The following RAD51B variants were observed in gnomAD, a reference collection of about 807,000 sequenced individuals.
RAD51B encodes RAD51 paralog B.
In RAD51B, 38 loss-of-function variants were observed where a neutral mutation model predicts 42.2. That is an observed-to-expected ratio of 0.90 (90% CI 0.70 to 1.18). RAD51B has a LOEUF of 1.18. Among genes scored for constraint, RAD51B ranks in the 50% most tolerant of loss-of-function variants. The pLI, the probability that RAD51B is intolerant of heterozygous loss-of-function variation, is 0.00. For synonymous variants in RAD51B, 154 were observed against 145.2 expected, an observed-to-expected ratio of 1.06 and a Z score of -0.43; for missense variants, 373 against 400.7, an observed-to-expected ratio of 0.93 and a Z score of 0.59.
chr14:68,190,545 A>G (rs967424829), intron 7 of RAD51B, among the ~76,000 whole-genome samples: 5 of 152,178 alleles, frequency 3.3e-5, no homozygotes, highest in African/African-American at 7.2e-5. Context: ...TAATTTTAGT[A>G]TACAGTTGCC....
intron 11 of RAD51B, among the ~76,000 whole-genome samples, chr14:68,657,401 G>A (rs776461246): frequency 6.6e-6 from 1 of 152,134 alleles, no homozygotes; most frequent in African/African-American, 2.4e-5. Flanking sequence ...GACTGGTCTC[G>A]ACCTCCAGGC....
At chr14:68,041,421 A>T (rs1221430987) in intron 7 of RAD51B, among the ~76,000 whole-genome samples, 1 of 152,204 alleles carries the variant, frequency 6.6e-6, no homozygotes, top group Non-Finnish European at 1.5e-5. Context: ...TTTTTGAGCC[A>T]TGTGATATTG....
chr14:68,668,103 C>A (rs1269833885), intron 11 of RAD51B, among the ~76,000 whole-genome samples: 1 of 152,206 alleles, frequency 6.6e-6, no homozygotes, highest in Non-Finnish European at 1.5e-5. Flanking sequence ...TGGGAAATAT[C>A]TGCTTCAATG....
intron 10 of RAD51B, among the ~76,000 whole-genome samples, chr14:68,583,333 G>A (rs556281538): frequency 2.4e-4 from 36 of 152,192 alleles, no homozygotes; most frequent in Non-Finnish European, 4.1e-4. Flanking sequence ...TGATGTAAGT[G>A]GGAGGAGAAG....
intron 11 of RAD51B, among the ~76,000 whole-genome samples, chr14:68,673,876 GCA>G (rs143867476): frequency 1.5e-5 from 2 of 137,866 alleles, no homozygotes; most frequent in East Asian, 4.7e-4. Flanking sequence ...CACATACTGT[GCA>G]CACACATGTA....
chr14:68,425,909 A>C (rs1419767372), intron 9 of RAD51B, among the ~76,000 whole-genome samples: 1 of 150,836 alleles, frequency 6.6e-6, no homozygotes, highest in Admixed American at 6.6e-5. Flanking sequence ...GAATGTTAGT[A>C]GAAATAGAGA....
At position 68,246,867 on chromosome 14, in the gene RAD51B, C is replaced by T. The variant is rs374484954; in HGVS notation, c.757-45017C>T. ...AGGTAGGTGGCTGGGTACGCACTTT[C>T]TTGTAGCCTGTTTGTTTTAGCCCGC... On this transcript the variant is annotated intron_variant, in intron 7 of 10. Transcript: ENST00000471583. Among the ~76,000 whole-genome samples the T allele has an allele frequency of 3.3e-5, 5 of 152,286 alleles. No homozygotes were observed. The East Asian group carries it at 9.6e-4, about 29-fold the overall frequency.
At chr14:67,923,374 A>G (rs2044396525) in intron 7 of RAD51B, among the ~76,000 whole-genome samples, 1 of 139,024 alleles carries the variant, frequency 7.2e-6, no homozygotes, top group Non-Finnish European at 1.5e-5. Flanking sequence ...ATCTCGGCTT[A>G]CCACAACCTC....
intron 7 of RAD51B, among the ~76,000 whole-genome samples, chr14:68,105,647 C>T (rs1038688318): frequency 6.6e-6 from 1 of 151,908 alleles, no homozygotes; most frequent in African/African-American, 2.4e-5. Flanking sequence ...ATTGTAAAAT[C>T]TATACCCAGG....
intron 7 of RAD51B, among the ~76,000 whole-genome samples, chr14:68,029,521 A>G (rs1276296218): frequency 6.6e-6 from 1 of 152,168 alleles, no homozygotes; most frequent in Non-Finnish European, 1.5e-5. Flanking sequence ...TCTTTTGTTC[A>G]AGTTTTATGG....
chr14:67,945,581 G>A (rs959293697), intron 7 of RAD51B, among the ~76,000 whole-genome samples: 3 of 151,944 alleles, frequency 2.0e-5, no homozygotes, highest in Non-Finnish European at 4.4e-5. Flanking sequence ...AGCGATTCTC[G>A]TGCCTCAGCC....
chr14:68,281,977 CT>C (rs767661358), intron 7 of RAD51B, among the ~76,000 whole-genome samples: 252 of 140,754 alleles, frequency 1.8e-3, no homozygotes, highest in South Asian at 4.1e-3. Context: ...CCAGGACATC[CT>C]TTTTTTTTTT....
At chr14:68,569,290 C>G (rs947402052) in intron 10 of RAD51B, among the ~76,000 whole-genome samples, 1 of 152,322 alleles carries the variant, frequency 6.6e-6, no homozygotes, top group Non-Finnish European at 1.5e-5. Context: ...GATCAATTGG[C>G]AACTTAAGGA....
intron 7 of RAD51B, among the ~76,000 whole-genome samples, chr14:67,983,928 T>G (rs555014337): frequency 6.9e-6 from 1 of 144,204 alleles, no homozygotes; most frequent in Non-Finnish European, 1.5e-5. Flanking sequence ...ACAGGGCTGG[T>G]TTTTTTTTTT....
chr14:68,673,862 T>G (rs1164347970), intron 11 of RAD51B, among the ~76,000 whole-genome samples: 2 of 120,456 alleles, frequency 1.7e-5, no homozygotes, highest in Admixed American at 8.4e-5. Context: ...CACTCATACA[T>G]GTACACATAC....
At chr14:68,155,908 T>C (rs2078493941) in intron 7 of RAD51B, among the ~76,000 whole-genome samples, 1 of 152,200 alleles carries the variant, frequency 6.6e-6, no homozygotes, top group Non-Finnish European at 1.5e-5. Flanking sequence ...TAGTAACACA[T>C]AGAGACGTGG....
At chr14:67,875,083 C>G (rs2042682807) in intron 5 of RAD51B, among the ~76,000 whole-genome samples, 1 of 151,922 alleles carries the variant, frequency 6.6e-6, no homozygotes, top group Non-Finnish European at 1.5e-5. Flanking sequence ...AGCCAGGACT[C>G]TGGAAGGTGG....
chr14:67,967,014 T>G (rs1027799224), intron 7 of RAD51B, among the ~76,000 whole-genome samples: 1 of 152,188 alleles, frequency 6.6e-6, no homozygotes, highest in African/African-American at 2.4e-5. Context: ...GAGGTTTAAT[T>G]GGACTTACAG....
At chr14:68,393,590 A>G (rs2083823864) in intron 8 of RAD51B, among the ~76,000 whole-genome samples, 1 of 152,242 alleles carries the variant, frequency 6.6e-6, no homozygotes, top group South Asian at 2.1e-4. Flanking sequence ...TGGTTGAAGC[A>G]GGGAAATAAA....
Sources: allele counts gnomAD v4.1 joint callset (sites outside exome capture counted in the v4.1 genomes callset), GRCh38; gene constraint gnomAD v4.1.1; transcripts MANE v1.5; gene names NCBI Gene and HGNC (gene_info 2026-07-23, HGNC 2026-07-21).